FGD4: variants seen among roughly 807,000 people sequenced by gnomAD.
FGD4 encodes the protein FYVE, RhoGEF and PH domain containing 4.
Under a neutral mutation model 102.0 loss-of-function variants are expected in FGD4, and 42 were observed. The observed-to-expected ratio is 0.41, with a 90% CI of 0.32 to 0.53. The LOEUF (loss-of-function observed/expected upper bound fraction) is 0.53, where lower values mean the gene tolerates loss of function less well. Among genes scored for constraint, FGD4 ranks in the 20% least tolerant of loss-of-function variants. The probability of loss-of-function intolerance (pLI) is 0.21; values close to 1 mark genes in which losing one functional copy is unlikely to be tolerated. For synonymous variants in FGD4, 380 were observed against 375.7 expected, an observed-to-expected ratio of 1.01 and a Z score of -0.13; for missense variants, 902 against 1,078.2, an observed-to-expected ratio of 0.84 and a Z score of 2.29.
At position 32,602,158 on chromosome 12, in the gene FGD4, C is replaced by T; in HGVS notation, c.1248-3C>T. 1.2e-6 allele frequency: 2 copies of T among 1,613,704 alleles called. No individual in the cohort carries two copies. Among genetic ancestry groups the T allele is most frequent in the South Asian group, 2.2e-5 (2 of 91,066 alleles). On this transcript the variant is annotated splice_polypyrimidine_tract_variant and splice_region_variant and intron_variant, in intron 6 of 16. Coordinates refer to ENST00000534526, the MANE Select transcript of FGD4 (RefSeq NM_001370298.3). ...AAGACTTGTTTTTCTATATTTGATACAGGGAAACTACTCCTAGAATTGGAG... is the reference window on the plus strand; with the variant it reads ...AAGACTTGTTTTTCTATATTTGATATAGGGAAACTACTCCTAGAATTGGAG...
chr12:32,519,157 G>T (rs1035429347), intron 1 of FGD4, among the ~76,000 whole-genome samples: 2 of 119,248 alleles, frequency 1.7e-5, no homozygotes, highest in East Asian at 5.0e-4. Context: ...CCCCACCGCC[G>T]CCCCCACCAT....
intron 10 of FGD4, among the ~76,000 whole-genome samples, chr12:32,614,139 C>T (rs760215165): frequency 6.6e-6 from 1 of 152,184 alleles, no homozygotes; most frequent in Non-Finnish European, 1.5e-5. Flanking sequence ...TGGGGTTCAT[C>T]TTGCACAAGT....
chr12:32,481,126 T>TTAAA (rs1943749746), intron 1 of FGD4, among the ~76,000 whole-genome samples: 1 of 5,638 alleles, frequency 1.8e-4, no homozygotes, highest in African/African-American at 4.9e-4. Context: ...AGACTCCGTC[T>TTAAA]CAAAAAAAAA....
At chr12:32,496,708 A>G (rs1025321271) in intron 1 of FGD4, among the ~76,000 whole-genome samples, 1 of 152,188 alleles carries the variant, frequency 6.6e-6, no homozygotes, top group Non-Finnish European at 1.5e-5. Context: ...TCACTTTCAT[A>G]TATTTCAGAA....
At chr12:32,435,979 C>T (rs1030848259) in intron 1 of FGD4, among the ~76,000 whole-genome samples, 7 of 152,164 alleles carry the variant, frequency 4.6e-5, no homozygotes, top group Non-Finnish European at 7.3e-5. Flanking sequence ...GGGACTTTCT[C>T]AAAGTACCCT....
chr12:32,582,018 A>G lies in FGD4; in HGVS notation c.562A>G (p.Arg188Gly). 6.2e-7 allele frequency: 1 copy of G among 1,614,218 alleles called. No homozygotes were observed. The highest frequency in any genetic ancestry group is 1.1e-5 in the South Asian group (1 of 91,086). Residue 188 changes from arginine to glycine, a missense_variant, in exon 4 of 17, where the codon AGA (arginine) becomes GGA (glycine). Arg to Gly is a moderately radical substitution (Grantham distance 125). Transcript: ENST00000534526. ...GTCTGCTGTGAACCTAAATGCTCCT[A>G]GAACCCCAGGAAGGCATGGATTGAC... ...KESAVNLNAP[R>G]TPGRHGLTTT...
chr12:32,574,941 A>T (rs1049013790), intron 2 of FGD4: 13 of 152,334 alleles, frequency 8.5e-5, no homozygotes, highest in African/African-American at 3.1e-4. Context: ...TAAAAATACT[A>T]CATGTTATAT....
chr12:32,538,118 G>A lies in FGD4; in HGVS notation c.167-26019G>A, dbSNP rs151105519. ...TTGTCATGTTGCCCAGGCAGGTCTC[G>A]AACTCCTGAGCTCAAGCAATTCACC... On this transcript the variant is annotated intron_variant, in intron 1 of 16. Transcript: ENST00000534526. Among the ~76,000 whole-genome samples the A allele has an allele frequency of 3.2e-3, 485 of 152,214 alleles. 12 individuals are homozygous for A. Among genetic ancestry groups the A allele is most frequent in the Admixed American group, 0.028 (431 of 15,276 alleles).
At chr12:32,555,536 T>A (rs1291542899) in intron 1 of FGD4, among the ~76,000 whole-genome samples, 2 of 150,646 alleles carry the variant, frequency 1.3e-5, no homozygotes, top group African/African-American at 4.9e-5. Flanking sequence ...CTAATCCAAG[T>A]GCACTTCAAT....
At chr12:32,482,823 A>G (rs1943801323) in intron 1 of FGD4, among the ~76,000 whole-genome samples, 1 of 152,228 alleles carries the variant, frequency 6.6e-6, no homozygotes, top group Non-Finnish European at 1.5e-5. Flanking sequence ...GACGTTCTGC[A>G]CTTTAGAAAT....
chr12:32,564,875 A>G (rs1462027902), intron 2 of FGD4, among the ~76,000 whole-genome samples: 1 of 152,216 alleles, frequency 6.6e-6, no homozygotes, highest in Non-Finnish European at 1.5e-5. Flanking sequence ...TTACAAAGAA[A>G]TTTCCAGTGA....
chr12:32,436,916 G>A (rs1241713390), intron 1 of FGD4, among the ~76,000 whole-genome samples: 1 of 151,948 alleles, frequency 6.6e-6, no homozygotes, highest in Non-Finnish European at 1.5e-5. Context: ...TCAGGAGTTC[G>A]AGACCAGCCT....
At chr12:32,563,268 C>T (rs1416709251) in intron 1 of FGD4, among the ~76,000 whole-genome samples, 2 of 151,010 alleles carry the variant, frequency 1.3e-5, no homozygotes, top group African/African-American at 2.4e-5. Context: ...GGCGGAGGGT[C>T]TCCTCACTTC....
intron 1 of FGD4, among the ~76,000 whole-genome samples, chr12:32,489,409 T>G (rs1302774680): frequency 6.6e-6 from 1 of 152,246 alleles, no homozygotes; most frequent in Non-Finnish European, 1.5e-5. Flanking sequence ...GATGACTAAA[T>G]TGGCAACTCT....
At chr12:32,553,534 T>C (rs1943869131) in intron 1 of FGD4, among the ~76,000 whole-genome samples, 1 of 152,228 alleles carries the variant, frequency 6.6e-6, no homozygotes, top group Non-Finnish European at 1.5e-5. Flanking sequence ...ATTGTTGATA[T>C]GCTTAAGAAA....
intron 2 of FGD4, among the ~76,000 whole-genome samples, chr12:32,565,125 C>T (rs1205192927): frequency 2.0e-4 from 31 of 152,162 alleles, no homozygotes; most frequent in Non-Finnish European, 7.4e-5. Flanking sequence ...ACTTAGTTCT[C>T]TTTCCTGTTC....
At chr12:32,545,906 C>T (rs993587992) in intron 1 of FGD4, among the ~76,000 whole-genome samples, 1 of 152,170 alleles carries the variant, frequency 6.6e-6, no homozygotes, top group African/African-American at 2.4e-5. Context: ...TTGCTGAATT[C>T]TTCAAGCGAA....
chr12:32,613,781 A>G (rs866245496), intron 10 of FGD4, among the ~76,000 whole-genome samples: 9 of 152,134 alleles, frequency 5.9e-5, no homozygotes, highest in Non-Finnish European at 8.8e-5. Flanking sequence ...AAATAAATAA[A>G]TAAAAAATAA....
intron 10 of FGD4, 104 bp downstream of exon 10, chr12:32,611,387 G>A (rs549432195): frequency 1.0e-5 from 14 of 1,344,332 alleles, no homozygotes; most frequent in Non-Finnish European, 1.4e-5. Flanking sequence ...AGGCCGAGGC[G>A]AGTGGATCTC....
Sources: gnomAD v4.1 joint callset for allele counts (sites outside exome capture counted in the v4.1 genomes callset) on GRCh38, gnomAD v4.1.1 for gene constraint, MANE v1.5 for transcripts, NCBI Gene and HGNC (gene_info 2026-07-23, HGNC 2026-07-21) for gene names.